The following PITPNC1 variants were observed in gnomAD, a reference collection of about 807,000 sequenced individuals.
PITPNC1 encodes the protein cytoplasmic phosphatidylinositol transfer protein 1.
A neutral mutation model predicts 44.7 loss-of-function variants in PITPNC1; 18 were observed. The observed-to-expected ratio is 0.40, with a 90% CI of 0.28 to 0.60. PITPNC1 has a LOEUF of 0.60. Among genes scored for constraint, PITPNC1 ranks in the 20% least tolerant of loss-of-function variants. PITPNC1 has a pLI of 0.39. For missense variants in PITPNC1, 290 were observed against 418.4 expected (o/e 0.69, Z 2.68); for synonymous variants, 141 against 149.6 (o/e 0.94, Z 0.42).
intron 1 of PITPNC1, among the ~76,000 whole-genome samples, chr17:67,495,274 G>T (rs998363780): frequency 4.0e-5 from 6 of 151,802 alleles, no homozygotes; most frequent in Non-Finnish European, 7.4e-5. Context: ...TAGCCAGGAT[G>T]GTCTAGATCT....
At chr17:67,428,053 G>A (rs1156692345) in intron 1 of PITPNC1, among the ~76,000 whole-genome samples, 1 of 152,124 alleles carries the variant, frequency 6.6e-6, no homozygotes, top group Non-Finnish European at 1.5e-5. Context: ...ACTGTTCACA[G>A]GCAACATCAT....
chr17:67,427,268 TG>T (rs2038780546), intron 1 of PITPNC1, among the ~76,000 whole-genome samples: 1 of 152,140 alleles, frequency 6.6e-6, no homozygotes, highest in Admixed American at 6.6e-5. Context: ...TGGAGTGCAG[TG>T]GTGTGATCTT....
chr17:67,517,863 G>C (rs1446268461), intron 1 of PITPNC1, among the ~76,000 whole-genome samples: 1 of 152,128 alleles, frequency 6.6e-6, no homozygotes, highest in African/African-American at 2.4e-5. Context: ...TATACTAAAA[G>C]CCACCGAATT....
intron 7 of PITPNC1, among the ~76,000 whole-genome samples, chr17:67,671,668 G>A (rs765287415): frequency 7.2e-4 from 109 of 152,012 alleles, no homozygotes; most frequent in African/African-American, 7.7e-4. Flanking sequence ...CTCCTTTCCC[G>A]TGCTCCAGAA....
intron 1 of PITPNC1, among the ~76,000 whole-genome samples, chr17:67,485,023 G>A (rs2949926): frequency 0.022 from 3,407 of 152,188 alleles, 127 homozygotes; most frequent in East Asian, 0.13. Context: ...TATGACTAGC[G>A]TTTCCATCTT....
At chr17:67,596,317 T>C (rs1297465185) in intron 5 of PITPNC1, among the ~76,000 whole-genome samples, 2 of 152,100 alleles carry the variant, frequency 1.3e-5, no homozygotes, top group Non-Finnish European at 2.9e-5. Context: ...TTAAACCAGA[T>C]ACACTAGTTG....
intron 1 of PITPNC1, among the ~76,000 whole-genome samples, chr17:67,412,203 C>G (rs550647672): frequency 6.6e-6 from 1 of 152,312 alleles, no homozygotes; most frequent in South Asian, 2.1e-4. Flanking sequence ...TAATACTACT[C>G]CTACAAATAA....
chr17:67,454,800 T>C (rs1023026632), intron 1 of PITPNC1, among the ~76,000 whole-genome samples: 1 of 150,838 alleles, frequency 6.6e-6, no homozygotes, highest in Non-Finnish European at 1.5e-5. Context: ...AATACACATA[T>C]TTCATTATTT....
intron 1 of PITPNC1, among the ~76,000 whole-genome samples, chr17:67,421,606 T>C (rs1043873570): frequency 3.3e-5 from 5 of 152,130 alleles, no homozygotes; most frequent in Non-Finnish European, 7.3e-5. Context: ...TTGAAACCCA[T>C]TTTTGTTATT....
rs138371206 is a variant in PITPNC1 at position 67,424,998 on chromosome 17, A to C, written c.48+46796A>C. 1.8e-4 allele frequency among the ~76,000 whole-genome samples: 28 copies of C among 151,996 alleles called. 1 individual carries two copies. The East Asian group carries it at 5.5e-3, about 30-fold the overall frequency. On this transcript the variant is annotated intron_variant, in intron 1 of 8. Transcript: ENST00000581322. ...TTTGTAATCTTCCCCACCCTTAAGA[A>C]GTTTCTTTATAATTCTCCCCACCCT...
intron 1 of PITPNC1, among the ~76,000 whole-genome samples, chr17:67,498,123 G>A (rs997661627): frequency 3.3e-5 from 5 of 152,154 alleles, no homozygotes; most frequent in African/African-American, 1.2e-4. Context: ...ACCCACCTGA[G>A]CCTCCCAAAG....
intron 5 of PITPNC1, among the ~76,000 whole-genome samples, chr17:67,603,941 T>TAA: frequency 6.7e-6 from 1 of 149,020 alleles, no homozygotes; most frequent in African/African-American, 2.5e-5. Context: ...TCTCATAGAT[T>TAA]TAAAAAAAAA....
chr17:67,670,803 T>G (rs1250230369), intron 7 of PITPNC1, among the ~76,000 whole-genome samples: 1 of 149,976 alleles, frequency 6.7e-6, no homozygotes, highest in Non-Finnish European at 1.5e-5. Context: ...TACCAAATAA[T>G]TGTTAACAGC....
intron 7 of PITPNC1, among the ~76,000 whole-genome samples, chr17:67,672,601 AAATAATAATAAT>A (rs55925253): frequency 1.3e-5 from 2 of 148,244 alleles, no homozygotes; most frequent in South Asian, 2.2e-4. Flanking sequence ...TCTGTCTCCA[AAATAATAATAAT>A]AATAATAATA....
At chr17:67,691,901 C>T (rs79851336) in intron 8 of PITPNC1, among the ~76,000 whole-genome samples, 2,073 of 151,964 alleles carry the variant, frequency 0.014, 44 homozygotes, top group African/African-American at 0.047. Context: ...TTCAGCCTCA[C>T]GGGGCCCTAA....
At chr17:67,483,822 G>A (rs924830605) in intron 1 of PITPNC1, among the ~76,000 whole-genome samples, 1 of 151,796 alleles carries the variant, frequency 6.6e-6, no homozygotes, top group Non-Finnish European at 1.5e-5. Flanking sequence ...ATACAGCTTC[G>A]TTTATGCCTG....
At chr17:67,439,553 T>C (rs183928647) in intron 1 of PITPNC1, among the ~76,000 whole-genome samples, 3 of 152,332 alleles carry the variant, frequency 2.0e-5, no homozygotes, top group East Asian at 3.9e-4. Context: ...GAAAAAGATA[T>C]GTTCTCCAGC....
intron 8 of PITPNC1, among the ~76,000 whole-genome samples, chr17:67,677,919 A>AC (rs2042632759): frequency 7.7e-6 from 1 of 130,096 alleles, no homozygotes; most frequent in African/African-American, 3.0e-5. Context: ...AAATTGAAAG[A>AC]AAAAAAAAAA....
At chr17:67,599,021 TATATATA>T (rs2041500204) in intron 5 of PITPNC1, among the ~76,000 whole-genome samples, 5 of 40,420 alleles carry the variant, frequency 1.2e-4, no homozygotes, top group African/African-American at 4.1e-4. Flanking sequence ...TATATATATA[TATATATA>T]TATATATTTT....
Sources: gnomAD v4.1 joint callset for allele counts (sites outside exome capture counted in the v4.1 genomes callset) on GRCh38, gnomAD v4.1.1 for gene constraint, MANE v1.5 for transcripts, NCBI Gene and HGNC (gene_info 2026-07-23, HGNC 2026-07-21) for gene names.